KAZN: variants seen among roughly 807,000 people sequenced by gnomAD.
KAZN encodes kazrin, periplakin interacting protein.
Under a neutral mutation model 87.4 loss-of-function variants are expected in KAZN, and 40 were observed. That is an observed-to-expected ratio of 0.46 (90% CI 0.36 to 0.60). KAZN has a LOEUF of 0.60. KAZN is among the 20% of genes least tolerant of loss of function. The pLI, the probability that KAZN is intolerant of heterozygous loss-of-function variation, is 0.00. For missense variants in KAZN, 898 were observed against 1,073.9 expected (o/e 0.84, Z 2.29); for synonymous variants, 466 against 458.3 (o/e 1.02, Z -0.22).
intron 1 of KAZN, among the ~76,000 whole-genome samples, chr1:14,162,746 G>T (rs558282460): frequency 6.6e-6 from 1 of 151,790 alleles, no homozygotes; most frequent in Admixed American, 6.6e-5. Flanking sequence ...TGGTTTCACC[G>T]TGTTAGCCAG....
Position 14,302,906 on chromosome 1 carries a change from G to A in KAZN, c.249+122314G>A, listed in dbSNP as rs577011050. On this transcript the variant is annotated intron_variant, in intron 2 of 16. Coordinates refer to the KAZN transcript ENST00000636203. ...GATGGTTTGATGGGGTTCAGTGTTA[G>A]CCTGGAACTGGTTGGGGTTACCTGG... 3.9e-5 allele frequency among the ~76,000 whole-genome samples: 6 copies of A among 152,292 alleles called. No individual in the cohort carries two copies. In the South Asian group the frequency reaches 1.0e-3, roughly 26 times the overall value.
At chr1:14,294,785 T>C (rs948307182) in intron 2 of KAZN, among the ~76,000 whole-genome samples, 9 of 151,716 alleles carry the variant, frequency 5.9e-5, no homozygotes, top group Admixed American at 4.6e-4. Flanking sequence ...ATTTCACTCA[T>C]GAGTGCTTTA....
At chr1:14,137,697 A>G (rs10803460) in intron 1 of KAZN, among the ~76,000 whole-genome samples, 76,472 of 140,642 alleles carry the variant, frequency 0.54, 22,262 homozygotes, top group East Asian at 0.72. Context: ...CAACAAATAT[A>G]AGGCTTTTTT....
chr1:14,552,196 C>T (rs778560102), intron 2 of KAZN, among the ~76,000 whole-genome samples: 8 of 152,150 alleles, frequency 5.3e-5, no homozygotes, highest in African/African-American at 7.2e-5. Flanking sequence ...TTTCTGAGAA[C>T]GGGCAGCATC....
chr1:14,016,030 G>A (rs1398041241), intron 1 of KAZN, among the ~76,000 whole-genome samples: 2 of 152,054 alleles, frequency 1.3e-5, no homozygotes, highest in Admixed American at 6.5e-5. Context: ...CACTCAAAAC[G>A]GAAAGCTCTA....
At chr1:14,388,536 A>G (rs970494906) in intron 2 of KAZN, among the ~76,000 whole-genome samples, 1 of 152,118 alleles carries the variant, frequency 6.6e-6, no homozygotes, top group Non-Finnish European at 1.5e-5. Flanking sequence ...GAGAACCCAG[A>G]GATAAATAGA....
At chr1:14,654,023 C>T (rs1020206071) in intron 1 of KAZN, among the ~76,000 whole-genome samples, 3 of 152,178 alleles carry the variant, frequency 2.0e-5, no homozygotes, top group African/African-American at 4.8e-5. Context: ...CGATGGCTCA[C>T]GCCTGTCATC....
At chr1:14,552,725 T>A (rs1673618566) in intron 2 of KAZN, among the ~76,000 whole-genome samples, 1 of 152,286 alleles carries the variant, frequency 6.6e-6, no homozygotes, top group African/African-American at 2.4e-5. Flanking sequence ...ACAATAGTAA[T>A]CATAAAATAC....
At chr1:13,893,517 C>A in exon 1 of KAZN, 1 of 1,326,334 alleles carries the variant, frequency 7.5e-7, no homozygotes, top group Non-Finnish European at 1.0e-6. Context: ...GGAAGAAACA[C>A]TATAAACTTT....
chr1:15,008,492 A>G (rs1439518511), intron 2 of KAZN, among the ~76,000 whole-genome samples: 1 of 152,218 alleles, frequency 6.6e-6, no homozygotes, highest in Non-Finnish European at 1.5e-5. Flanking sequence ...GACAGCTATG[A>G]TGAGGACCGG....
intron 2 of KAZN, among the ~76,000 whole-genome samples, chr1:15,033,083 T>C (rs2311858): frequency 0.78 from 118,065 of 152,136 alleles, 46,352 homozygotes; most frequent in Admixed American, 0.84. Context: ...GTGGCATTTA[T>C]ATTTTACTAG....
intron 3 of KAZN, among the ~76,000 whole-genome samples, chr1:15,040,960 A>AT (rs1205138766): frequency 2.7e-5 from 4 of 149,292 alleles, no homozygotes; most frequent in Middle Eastern, 3.4e-3. Context: ...TGTTTTTTTT[A>AT]TTTTTTTTGA....
chr1:14,937,809 G>A (rs1045250904), intron 1 of KAZN, among the ~76,000 whole-genome samples: 8 of 152,206 alleles, frequency 5.3e-5, no homozygotes, highest in African/African-American at 1.7e-4. Context: ...TGCCTGGAGC[G>A]TGGCCATCTC....
At chr1:14,373,567 A>G (rs1660674563) in intron 2 of KAZN, among the ~76,000 whole-genome samples, 1 of 152,188 alleles carries the variant, frequency 6.6e-6, no homozygotes, top group African/African-American at 2.4e-5. Flanking sequence ...TCTTCCAGAA[A>G]CGCCCTCACA....
chr1:14,144,761 C>T (rs1645310214), intron 1 of KAZN, among the ~76,000 whole-genome samples: 1 of 152,130 alleles, frequency 6.6e-6, no homozygotes, highest in South Asian at 2.1e-4. Context: ...GGAAGGAGAG[C>T]CCAGTGCAGA....
rs1224065123 is a variant in KAZN at position 14,860,448 on chromosome 1, TC to T, written c.227-100234del. 3.9e-5 allele frequency among the ~76,000 whole-genome samples: 6 copies of T among 152,274 alleles called. No individual in the cohort carries two copies. The South Asian group carries it at 1.0e-3, about 26-fold the overall frequency. ...CTCAAGTTATCTACCCACCTCAGCCTCCAAAACTGCTGGGATTATTACAGGC... is the reference window on the plus strand; with the variant it reads ...CTCAAGTTATCTACCCACCTCAGCCTCAAAACTGCTGGGATTATTACAGGC... On this transcript the variant is annotated intron_variant, in intron 1 of 14. Transcript: ENST00000376030.
chr1:14,022,485 C>CAAAAA (rs58713618), intron 1 of KAZN, among the ~76,000 whole-genome samples: 1,580 of 110,208 alleles, frequency 0.014, 11 homozygotes, highest in Non-Finnish European at 0.018. Context: ...GTATTTAAAG[C>CAAAAA]AAAAAAAAAA....
intron 1 of KAZN, among the ~76,000 whole-genome samples, chr1:14,092,210 C>T (rs1379419678): frequency 6.6e-6 from 1 of 150,442 alleles, no homozygotes; most frequent in African/African-American, 2.4e-5. Flanking sequence ...CCTGCCTCAG[C>T]CTCCCCAGCA....
chr1:14,719,665 T>C (rs6657904), intron 1 of KAZN, among the ~76,000 whole-genome samples: 107,124 of 152,012 alleles, frequency 0.7, 39,577 homozygotes, highest in Middle Eastern at 0.86. Context: ...ATGGTGAAAC[T>C]TTGTCTCTAC....
Sources: allele counts gnomAD v4.1 joint callset (sites outside exome capture counted in the v4.1 genomes callset), GRCh38; gene constraint gnomAD v4.1.1; transcripts MANE v1.5; gene names NCBI Gene and HGNC (gene_info 2026-07-23, HGNC 2026-07-21).